Variants in ZBTB16 observed in about 807,000 individuals in gnomAD.
ZBTB16 encodes zinc finger and BTB domain-containing protein 16.
A neutral mutation model predicts 56.8 loss-of-function variants in ZBTB16; 8 were observed. The observed-to-expected ratio is 0.14, with a 90% CI of 0.08 to 0.25. The LOEUF is 0.25. ZBTB16 is among the 10% of genes least tolerant of loss of function. The pLI is 1.00. For synonymous variants in ZBTB16, 363 were observed against 368.5 expected, an observed-to-expected ratio of 0.98 and a Z score of 0.17; for missense variants, 625 against 903.0, an observed-to-expected ratio of 0.69 and a Z score of 3.95.
In ZBTB16 at chr11:114,242,180, C is replaced by T. The variant is rs140189842; in HGVS notation, c.1467C>T (p.Ala489=). The stretch of plus-strand genomic sequence containing the variant: ...TGTCTCCCACAGGCACTGACATGGC[C>T]GTCTTCTGTCTGCTGTGTGGGAAGC... ...HRQTHTGTDM[A]VFCLLCGKRF... is the part of the protein sequence containing the mutation. Residue 489 remains alanine (A), a synonymous_variant, in exon 5 of 7, where the codon GCC becomes GCT. Coordinates refer to ENST00000335953, the MANE Select transcript of ZBTB16 (RefSeq NM_006006.6). The T allele has an allele frequency of 8.4e-5, 135 of 1,613,680 alleles. No individual in the cohort carries two copies. In the African/African-American group the frequency reaches 9.9e-4, roughly 12 times the overall value.
chr11:114,124,796 C>T (rs1941457825), intron 2 of ZBTB16, among the ~76,000 whole-genome samples: 1 of 152,208 alleles, frequency 6.6e-6, no homozygotes, highest in South Asian at 2.1e-4. Context: ...CTCACTTGCT[C>T]TCATTGTCAG....
chr11:114,145,977 A>G (rs1397305228), intron 2 of ZBTB16, among the ~76,000 whole-genome samples: 4 of 152,228 alleles, frequency 2.6e-5, no homozygotes, highest in East Asian at 3.8e-4. Flanking sequence ...GTTAAATGTT[A>G]TAAAGGAAAT....
At chr11:114,113,959 A>T (rs1941097114) in intron 2 of ZBTB16, among the ~76,000 whole-genome samples, 2 of 152,250 alleles carry the variant, frequency 1.3e-5, no homozygotes, top group African/African-American at 2.4e-5. Flanking sequence ...ATCCATGGTA[A>T]GGCGAAACTC....
chr11:114,173,116 C>T lies in ZBTB16; in HGVS notation c.1367-13836C>T, dbSNP rs145353643. Among the ~76,000 whole-genome samples the T allele has an allele frequency of 3.2e-4, 48 of 152,312 alleles. No homozygotes were observed. In the East Asian group the frequency reaches 8.3e-3, roughly 26 times the overall value. On this transcript the variant is annotated intron_variant, in intron 3 of 6. Coordinates refer to ENST00000335953, the MANE Select transcript of ZBTB16 (RefSeq NM_006006.6). ...ATTAAGGTTTCAGAAACACCAAAGG[C>T]AAGCCAATGAGTGTCATTTTTAACC...
chr11:114,097,063 A>G (rs954363987), intron 2 of ZBTB16, among the ~76,000 whole-genome samples: 21 of 152,254 alleles, frequency 1.4e-4, no homozygotes, highest in Non-Finnish European at 2.9e-5. Context: ...TCATTGACCC[A>G]TGGATAAATT....
intron 4 of ZBTB16, among the ~76,000 whole-genome samples, chr11:114,203,715 A>C (rs2135110556): frequency 6.6e-6 from 1 of 152,336 alleles, no homozygotes; most frequent in Admixed American, 6.5e-5. Flanking sequence ...TACCTGCGGC[A>C]TCACAGGACT....
Position 114,139,231 on chromosome 11 carries a change from G to A in ZBTB16, c.1269-17106G>A, listed in dbSNP as rs924383441. Among the ~76,000 whole-genome samples, 24 of 152,262 alleles carry A rather than the reference G, an allele frequency of 1.6e-4. No individual in the cohort carries two copies. The Middle Eastern group carries it at 0.024, about 151-fold the overall frequency. ...GAAGGAGACCCTTCTCCAGGCTGTC[G>A]CTTTTGATTTGCGGTTTTCCCATTG... On this transcript the variant is annotated intron_variant, in intron 2 of 6. Coordinates refer to ENST00000335953, the MANE Select transcript of ZBTB16 (RefSeq NM_006006.6).
intron 4 of ZBTB16, 151 bp from the exon 5 acceptor site, chr11:114,242,016 A>C: frequency 9.9e-7 from 1 of 1,011,310 alleles, no homozygotes; most frequent in South Asian, 1.4e-5. Context: ...CTGGGTGCTC[A>C]GTGTTGCATA....
At chr11:114,136,967 C>A (rs934416044) in intron 2 of ZBTB16, among the ~76,000 whole-genome samples, 1 of 152,092 alleles carries the variant, frequency 6.6e-6, no homozygotes, top group Non-Finnish European at 1.5e-5. Context: ...ATCCCAGGTT[C>A]TATATAGCAT....
intron 4 of ZBTB16, among the ~76,000 whole-genome samples, chr11:114,191,068 G>T (rs1199870564): frequency 4.6e-5 from 7 of 152,100 alleles, no homozygotes; most frequent in African/African-American, 1.7e-4. Flanking sequence ...TAAATGACCA[G>T]TTATCTAAGA....
At chr11:114,195,788 G>A (rs1472800686) in intron 4 of ZBTB16, among the ~76,000 whole-genome samples, 1 of 152,142 alleles carries the variant, frequency 6.6e-6, no homozygotes, top group East Asian at 1.9e-4. Context: ...GTCTTCCTCA[G>A]AGGCTTCTGA....
intron 2 of ZBTB16, among the ~76,000 whole-genome samples, chr11:114,140,001 A>G (rs1385653640): frequency 6.6e-6 from 1 of 152,204 alleles, no homozygotes; most frequent in Non-Finnish European, 1.5e-5. Context: ...TCCTCGGTCA[A>G]GAACGAACAA....
intron 2 of ZBTB16, among the ~76,000 whole-genome samples, chr11:114,153,280 T>G (rs577715727): frequency 5.3e-5 from 8 of 152,338 alleles, no homozygotes; most frequent in Admixed American, 2.0e-4. Flanking sequence ...GGTTGTTCCC[T>G]TTTTCTCTAA....
chr11:114,089,840 A>T (rs17116330), intron 2 of ZBTB16, among the ~76,000 whole-genome samples: 7,771 of 152,208 alleles, frequency 0.051, 396 homozygotes, highest in East Asian at 0.28. Context: ...CGCAGGTAAA[A>T]CCCAAGGTGT....
intron 2 of ZBTB16, among the ~76,000 whole-genome samples, chr11:114,150,957 A>T (rs752147104): frequency 6.6e-6 from 1 of 152,198 alleles, no homozygotes; most frequent in Non-Finnish European, 1.5e-5. Context: ...GGAAGTTTGC[A>T]TGGTGGCTGG....
At chr11:114,187,512 T>C in intron 4 of ZBTB16, 1 of 211,188 alleles carries the variant, frequency 4.7e-6, no homozygotes, top group Non-Finnish European at 9.8e-6. Context: ...TGAACAATAT[T>C]AACTCACGAT....
intron 4 of ZBTB16, among the ~76,000 whole-genome samples, chr11:114,212,008 T>C (rs1944007681): frequency 6.6e-6 from 1 of 152,216 alleles, no homozygotes; most frequent in African/African-American, 2.4e-5. Flanking sequence ...CTGGTATTTA[T>C]GCCATTGAGG....
chr11:114,114,288 T>C (rs2137787093), intron 2 of ZBTB16, among the ~76,000 whole-genome samples: 1 of 152,340 alleles, frequency 6.6e-6, no homozygotes, highest in South Asian at 2.1e-4. Context: ...CAAGCGATGT[T>C]ACTTTGGGAT....
At chr11:114,230,643 G>GC (rs1944425172) in intron 4 of ZBTB16, among the ~76,000 whole-genome samples, 8 of 106,584 alleles carry the variant, frequency 7.5e-5, no homozygotes, top group African/African-American at 1.7e-4. Context: ...GGGGGGGGGC[G>GC]GGAAGGAGAG....
Sources: allele counts gnomAD v4.1 joint callset (sites outside exome capture counted in the v4.1 genomes callset), GRCh38; gene constraint gnomAD v4.1.1; transcripts MANE v1.5; gene names NCBI Gene and HGNC (gene_info 2026-07-23, HGNC 2026-07-21).